The following BMPR2 variants were observed in gnomAD, a reference collection of about 807,000 sequenced individuals.
The protein encoded by BMPR2 is bone morphogenetic protein receptor type-2.
BMPR2 carries 29 observed loss-of-function variants against 100.8 expected under a neutral mutation model. The observed-to-expected ratio is 0.29, with a 90% confidence interval of 0.21 to 0.39. The LOEUF is 0.39. BMPR2 is among the 10% of genes least tolerant of loss of function. The pLI, the probability that BMPR2 is intolerant of heterozygous loss-of-function variation, is 1.00. For synonymous variants in BMPR2, 382 were observed against 442.3 expected, an observed-to-expected ratio of 0.86 and a Z score of 1.71; for missense variants, 1,011 against 1,274.5, an observed-to-expected ratio of 0.79 and a Z score of 3.15.
chr2:202,393,733 A>G (rs778430263), intron 1 of BMPR2, among the ~76,000 whole-genome samples: 1 of 152,180 alleles, frequency 6.6e-6, no homozygotes, highest in African/African-American at 2.4e-5. Flanking sequence ...TAAAATTACT[A>G]AGAGAATATA....
chr2:202,440,977 T>C (rs934235691), intron 1 of BMPR2, among the ~76,000 whole-genome samples: 1 of 150,390 alleles, frequency 6.6e-6, no homozygotes, highest in Non-Finnish European at 1.5e-5. Flanking sequence ...AATATTATTA[T>C]TATTGTTATT....
At position 202,565,943 on chromosome 2, in the gene BMPR2, C is replaced by T. The variant is rs145822696; in HGVS notation, c.*5997C>T. On this transcript the variant is annotated 3_prime_UTR_variant, in exon 13 of 13. Coordinates refer to ENST00000374580, the MANE Select transcript of BMPR2 (RefSeq NM_001204.7). The stretch of plus-strand genomic sequence containing the variant: ...AAAACTAGGCTCAAAATAAATCTAT[C>T]GTATCTTTAAAAGTCCAATTCTGTT... 6 of 152,188 alleles carry T rather than the reference C, an allele frequency of 3.9e-5. No homozygotes were observed. The highest frequency in any genetic ancestry group is 1.4e-4 in the African/African-American group (6 of 41,558). The allele number at this position is 152,188 out of a possible 1,614,324, so 9.4% of individuals were successfully genotyped here. A position where few individuals can be genotyped will look rare whatever the true frequency, so the allele number is the denominator to read the frequency against.
intron 3 of BMPR2, among the ~76,000 whole-genome samples, chr2:202,487,735 G>C (rs1362806433): frequency 6.6e-6 from 1 of 152,192 alleles, no homozygotes; most frequent in Non-Finnish European, 1.5e-5. Flanking sequence ...TAAAATGATT[G>C]CAGAATTGTT....
chr2:202,541,854 G>A (rs1229040534), intron 9 of BMPR2, among the ~76,000 whole-genome samples: 2 of 152,198 alleles, frequency 1.3e-5, no homozygotes, highest in African/African-American at 4.8e-5. Flanking sequence ...GCTCACGCCT[G>A]TAATCCCAGC....
chr2:202,467,215 A>T (rs1489988841), intron 2 of BMPR2, among the ~76,000 whole-genome samples: 2 of 152,190 alleles, frequency 1.3e-5, no homozygotes, highest in African/African-American at 2.4e-5. Flanking sequence ...GTGAGCTGAG[A>T]TCGTGCCATT....
intron 10 of BMPR2, among the ~76,000 whole-genome samples, chr2:202,548,388 G>C (rs1433163094): frequency 6.6e-6 from 1 of 152,024 alleles, no homozygotes; most frequent in Admixed American, 6.6e-5. Context: ...GGAATGTGAA[G>C]CTGTAGTACA....
chr2:202,448,970 G>C (rs1221516647), intron 1 of BMPR2, among the ~76,000 whole-genome samples: 1 of 141,590 alleles, frequency 7.1e-6, no homozygotes, highest in Admixed American at 7.1e-5. Flanking sequence ...TGTATTTTTT[G>C]TTTTAATCAG....
intron 1 of BMPR2, among the ~76,000 whole-genome samples, chr2:202,392,846 G>A (rs1319579086): frequency 5.3e-5 from 8 of 152,064 alleles, no homozygotes; most frequent in African/African-American, 9.7e-5. Context: ...TACAAAATTA[G>A]CCGGGCGTGG....
At chr2:202,407,858 G>GA (rs1464523028) in intron 1 of BMPR2, among the ~76,000 whole-genome samples, 3 of 151,084 alleles carry the variant, frequency 2.0e-5, no homozygotes, top group Non-Finnish European at 4.4e-5. Context: ...TTTGGAGACG[G>GA]AGTCTCGCTT....
At chr2:202,443,602 C>T (rs1691791267) in intron 1 of BMPR2, among the ~76,000 whole-genome samples, 3 of 149,434 alleles carry the variant, frequency 2.0e-5, no homozygotes, top group Admixed American at 6.6e-5. Context: ...CTTGGTCTGT[C>T]ACCCAGGCTG....
At chr2:202,512,118 TAG>T (rs2106000811) in intron 3 of BMPR2, among the ~76,000 whole-genome samples, 1 of 152,290 alleles carries the variant, frequency 6.6e-6, no homozygotes, top group South Asian at 2.1e-4. Flanking sequence ...TATAGAAATA[TAG>T]TTTAGACATT....
chr2:202,411,487 T>C (rs1464988728), intron 1 of BMPR2, among the ~76,000 whole-genome samples: 2 of 152,220 alleles, frequency 1.3e-5, no homozygotes, highest in East Asian at 3.8e-4. Context: ...ATTATCTTGC[T>C]AGCACAAATA....
intron 1 of BMPR2, among the ~76,000 whole-genome samples, chr2:202,431,442 A>T (rs1192489856): frequency 6.6e-6 from 1 of 150,732 alleles, no homozygotes; most frequent in African/African-American, 2.5e-5. Flanking sequence ...CTGTAAAGTG[A>T]TACATTTATA....
chr2:202,481,614 A>C (rs535572291), intron 3 of BMPR2, among the ~76,000 whole-genome samples: 1 of 152,328 alleles, frequency 6.6e-6, no homozygotes, highest in East Asian at 1.9e-4. Context: ...CTATATTAAC[A>C]ATAGAAAGTC....
At chr2:202,517,956 G>T (rs1279380687) in intron 5 of BMPR2, among the ~76,000 whole-genome samples, 5 of 147,370 alleles carry the variant, frequency 3.4e-5, no homozygotes, top group Admixed American at 6.8e-5. Flanking sequence ...GGGACTACAG[G>T]CGCCCACCAC....
chr2:202,524,780 C>T (rs886224670), intron 7 of BMPR2, among the ~76,000 whole-genome samples: 17 of 152,056 alleles, frequency 1.1e-4, no homozygotes, highest in African/African-American at 3.6e-4. Flanking sequence ...CGCCTGTAAT[C>T]GCAACACTTT....
chr2:202,451,379 G>A (rs1691977283), intron 1 of BMPR2, among the ~76,000 whole-genome samples: 1 of 152,140 alleles, frequency 6.6e-6, no homozygotes. Context: ...GGACTTCATT[G>A]AGGTATAAAC....
chr2:202,399,713 T>A (rs916892151), intron 1 of BMPR2, among the ~76,000 whole-genome samples: 2 of 152,024 alleles, frequency 1.3e-5, no homozygotes, highest in South Asian at 4.1e-4. Flanking sequence ...TAGTGGCAGG[T>A]TGGATTTTTT....
chr2:202,469,787 T>A (rs992324673), intron 3 of BMPR2, among the ~76,000 whole-genome samples: 1 of 151,964 alleles, frequency 6.6e-6, no homozygotes, highest in African/African-American at 2.4e-5. Context: ...CCGGCCCCAA[T>A]TGTATTTCAT....
Sources: allele counts gnomAD v4.1 joint callset (sites outside exome capture counted in the v4.1 genomes callset), GRCh38; gene constraint gnomAD v4.1.1; transcripts MANE v1.5; gene names NCBI Gene and HGNC (gene_info 2026-07-23, HGNC 2026-07-21).